The following TRAK1 variants were observed in gnomAD, a reference collection of about 807,000 sequenced individuals.
The protein encoded by TRAK1 is trafficking kinesin protein 1.
TRAK1 carries 33 observed loss-of-function variants against 92.1 expected under a neutral mutation model. The observed-to-expected ratio is 0.36, with a 90% CI of 0.27 to 0.48. The LOEUF (loss-of-function observed/expected upper bound fraction) is 0.48. TRAK1 is among the 20% of genes least tolerant of loss of function. The pLI is 0.99. For missense variants in TRAK1, 1,123 were observed against 1,257.9 expected, an observed-to-expected ratio of 0.89 and a Z score of 1.62; for synonymous variants, 521 against 517.3, an observed-to-expected ratio of 1.01 and a Z score of -0.10.
intron 1 of TRAK1, among the ~76,000 whole-genome samples, chr3:42,076,547 G>C (rs1307488749): frequency 1.3e-5 from 2 of 151,992 alleles, no homozygotes; most frequent in Non-Finnish European, 2.9e-5. Context: ...TTTTATCAGA[G>C]GTATAGTTTG....
At chr3:42,047,324 A>T (rs1702793206) in intron 1 of TRAK1, among the ~76,000 whole-genome samples, 1 of 150,760 alleles carries the variant, frequency 6.6e-6, no homozygotes, top group African/African-American at 2.4e-5. Context: ...GCCTTCCAAG[A>T]AGCTGGGACT....
intron 1 of TRAK1, among the ~76,000 whole-genome samples, chr3:42,016,002 A>C (rs1012974634): frequency 6.6e-6 from 1 of 152,194 alleles, no homozygotes; most frequent in Non-Finnish European, 1.5e-5. Context: ...CCGCCACTGC[A>C]CTTCAGCCAG....
At chr3:42,077,488 C>T (rs1704213006) in intron 1 of TRAK1, among the ~76,000 whole-genome samples, 1 of 152,140 alleles carries the variant, frequency 6.6e-6, no homozygotes, top group African/African-American at 2.4e-5. Context: ...AGCGTTTCAC[C>T]ATGTTGGCCA....
chr3:42,081,532 TG>T (rs1397068132), intron 1 of TRAK1, among the ~76,000 whole-genome samples: 2 of 152,158 alleles, frequency 1.3e-5, no homozygotes, highest in Non-Finnish European at 2.9e-5. Flanking sequence ...CACAATTTTT[TG>T]GGGGAGATCA....
In TRAK1 at chr3:42,191,715, A is replaced by G; in HGVS notation, c.769+79A>G. 8 of 1,473,220 alleles carry G rather than the reference A, an allele frequency of 5.4e-6. No homozygotes were observed. The Admixed American group carries it at 1.4e-4, about 27-fold the overall frequency. 91.3% of individuals were successfully genotyped at this position (1,473,220 alleles called of 1,614,324 possible). A position where few individuals can be genotyped will look rare whatever the true frequency, so the allele number is the denominator to read the frequency against. On this transcript the variant is annotated intron_variant, in intron 7 of 15. Coordinates refer to ENST00000327628, the MANE Select transcript of TRAK1 (RefSeq NM_001042646.3). ...GACAGATTTGCGTCAGCCTTGCTAA[A>G]GTGCAGTCTCCTGCCAGCCTACGGC...
chr3:42,104,264 G>T (rs1002723452), intron 1 of TRAK1, among the ~76,000 whole-genome samples: 11 of 152,172 alleles, frequency 7.2e-5, no homozygotes, highest in Admixed American at 6.5e-4. Context: ...GGGCACTTCT[G>T]GGGGCAGGGC....
chr3:42,081,506 A>G (rs1213999481), intron 1 of TRAK1, among the ~76,000 whole-genome samples: 1 of 152,224 alleles, frequency 6.6e-6, no homozygotes, highest in Non-Finnish European at 1.5e-5. Context: ...ACACCGGTCC[A>G]TGCTTTCAAG....
At chr3:42,114,787 A>T (rs1708953788) in intron 1 of TRAK1, among the ~76,000 whole-genome samples, 1 of 151,918 alleles carries the variant, frequency 6.6e-6, no homozygotes, top group Non-Finnish European at 1.5e-5. Flanking sequence ...ATCTCAGCTC[A>T]CTGCAACCTC....
At chr3:42,033,045 A>G (rs763797363) in intron 1 of TRAK1, among the ~76,000 whole-genome samples, 3 of 152,196 alleles carry the variant, frequency 2.0e-5, no homozygotes, top group Non-Finnish European at 4.4e-5. Flanking sequence ...CTTAAAAACC[A>G]ATATTTCGAT....
chr3:42,183,077 A>G (rs1289379132), intron 3 of TRAK1, among the ~76,000 whole-genome samples: 3 of 152,236 alleles, frequency 2.0e-5, no homozygotes, highest in Non-Finnish European at 4.4e-5. Flanking sequence ...GTTGTGACCC[A>G]GTACTCATAT....
chr3:42,085,342 A>AT (rs1451663409), upstream of TRAK1, among the ~76,000 whole-genome samples: 1 of 151,846 alleles, frequency 6.6e-6, no homozygotes, highest in Non-Finnish European at 1.5e-5. Context: ...TACTTTTTAT[A>AT]TTTTTTAGCA....
intron 7 of TRAK1, among the ~76,000 whole-genome samples, chr3:42,191,895 ATTTTTTTTT>A (rs68023368): frequency 4.1e-5 from 3 of 72,766 alleles, no homozygotes; most frequent in African/African-American, 1.2e-4. Flanking sequence ...GAATATTGGA[ATTTTTTTTT>A]TTTTTTTTTT....
chr3:42,146,260 A>G (rs1699313388), intron 2 of TRAK1: 4 of 302,076 alleles, frequency 1.3e-5, no homozygotes, highest in African/African-American at 2.2e-5. Flanking sequence ...ATGAAAAGCA[A>G]TATTGCCGTT....
chr3:42,149,304 T>C, intron 2 of TRAK1: 2 of 1,410,554 alleles, frequency 1.4e-6, no homozygotes, highest in Non-Finnish European at 9.2e-7. Flanking sequence ...CTCTGCAAAT[T>C]GCCTTCCTTT....
intron 11 of TRAK1, among the ~76,000 whole-genome samples, chr3:42,200,463 C>T (rs1707364120): frequency 2.6e-5 from 4 of 152,116 alleles, no homozygotes; most frequent in Admixed American, 2.6e-4. Context: ...AGCGTTTATT[C>T]TAGTGAATAT....
At chr3:42,105,988 C>T (rs557779962) in intron 1 of TRAK1, among the ~76,000 whole-genome samples, 2 of 152,292 alleles carry the variant, frequency 1.3e-5, no homozygotes, top group African/African-American at 4.8e-5. Flanking sequence ...TTGTCACCAC[C>T]AGGCCTGCCT....
intron 15 of TRAK1, among the ~76,000 whole-genome samples, chr3:42,222,422 A>C (rs764439706): frequency 1.3e-5 from 2 of 152,150 alleles, no homozygotes; most frequent in Non-Finnish European, 2.9e-5. Flanking sequence ...CAGTCCATGC[A>C]CTGTGGCCAA....
At chr3:42,203,677 A>G in intron 13 of TRAK1, 5 of 985,342 alleles carry the variant, frequency 5.1e-6, no homozygotes, top group Non-Finnish European at 6.0e-6. Context: ...GCAAAGCCAA[A>G]TCAGAACTTC....
intron 2 of TRAK1, among the ~76,000 whole-genome samples, chr3:42,170,371 C>G (rs1037670372): frequency 6.6e-6 from 1 of 152,170 alleles, no homozygotes; most frequent in Non-Finnish European, 1.5e-5. Flanking sequence ...ACCTCTGTCC[C>G]CTGCCCCTGT....
Sources: allele counts gnomAD v4.1 joint callset (sites outside exome capture counted in the v4.1 genomes callset), GRCh38; gene constraint gnomAD v4.1.1; transcripts MANE v1.5; gene names NCBI Gene and HGNC (gene_info 2026-07-23, HGNC 2026-07-21).